RSU1: variants seen among roughly 807,000 people sequenced by gnomAD.
RSU1 encodes the protein Ras suppressor protein 1.
RSU1 carries 26 observed loss-of-function variants against 31.1 expected under a neutral mutation model. The ratio of observed to expected loss-of-function variants is 0.84; its 90% CI spans 0.61 to 1.16. The LOEUF is 1.16. RSU1 is among the 50% of genes most tolerant of loss of function. The pLI, the probability that RSU1 is intolerant of heterozygous loss-of-function variation, is 0.00. For synonymous variants in RSU1, 164 were observed against 136.3 expected (o/e 1.20, Z -1.41); for missense variants, 320 against 339.1 (o/e 0.94, Z 0.44).
chr10:16,788,573 C>A (rs1360946470), intron 2 of RSU1, among the ~76,000 whole-genome samples: 1 of 152,176 alleles, frequency 6.6e-6, no homozygotes, highest in Non-Finnish European at 1.5e-5. Context: ...TTGCATTTTC[C>A]AGGCTTCAAA....
intron 8 of RSU1, among the ~76,000 whole-genome samples, chr10:16,674,653 A>G (rs1449282711): frequency 6.6e-6 from 1 of 152,146 alleles, no homozygotes. Context: ...TCCACTTTAG[A>G]TACAGTGATA....
At chr10:16,669,106 T>A (rs1336348231) in intron 8 of RSU1, among the ~76,000 whole-genome samples, 8 of 152,146 alleles carry the variant, frequency 5.3e-5, no homozygotes, top group African/African-American at 1.9e-4. Context: ...AGAGGAACAT[T>A]TATACAAATG....
chr10:16,661,898 T>C (rs1834897101), intron 8 of RSU1, among the ~76,000 whole-genome samples: 1 of 152,240 alleles, frequency 6.6e-6, no homozygotes, highest in Non-Finnish European at 1.5e-5. Flanking sequence ...GATTTTCCTC[T>C]ACTCTTACAA....
At chr10:16,786,340 A>C (rs908873868) in intron 2 of RSU1, among the ~76,000 whole-genome samples, 1 of 152,158 alleles carries the variant, frequency 6.6e-6, no homozygotes, top group Non-Finnish European at 1.5e-5. Context: ...GTATGAGTCC[A>C]TCCAAGCTGG....
rs145766854 is a variant in RSU1 at position 16,747,234 on chromosome 10, C to T, written c.598+5305G>A. ...TTCAGGCTCAATCTTTCACTCTCTG[C>T]AGTCACACACAAGGGATCTCATCCA... On this transcript the variant is annotated intron_variant, in intron 7 of 8. Coordinates refer to ENST00000345264, the MANE Select transcript of RSU1 (RefSeq NM_012425.4). Among the ~76,000 whole-genome samples, 522 of 152,290 alleles carry T rather than the reference C, an allele frequency of 3.4e-3. 6 individuals carry two copies. Among genetic ancestry groups the T allele is most frequent in the African/African-American group, 0.012 (482 of 41,546 alleles).
At chr10:16,666,687 T>G (rs951115993) in intron 8 of RSU1, among the ~76,000 whole-genome samples, 2 of 151,938 alleles carry the variant, frequency 1.3e-5, no homozygotes, top group African/African-American at 2.4e-5. Context: ...AAACTCAGGG[T>G]GTTAAAAAAT....
chr10:16,792,725 T>G (rs993541750), intron 2 of RSU1, among the ~76,000 whole-genome samples: 1 of 152,152 alleles, frequency 6.6e-6, no homozygotes, highest in African/African-American at 2.4e-5. Flanking sequence ...TTAATGCAAA[T>G]CATCCCAGAG....
At chr10:16,812,090 G>A (rs948697505) in intron 2 of RSU1, among the ~76,000 whole-genome samples, 8 of 152,160 alleles carry the variant, frequency 5.3e-5, no homozygotes, top group East Asian at 3.9e-4. Context: ...GCCAAGAAGC[G>A]GCGTGTTTAA....
At chr10:16,695,389 G>C (rs1293089945) in intron 7 of RSU1, among the ~76,000 whole-genome samples, 2 of 152,132 alleles carry the variant, frequency 1.3e-5, no homozygotes, top group African/African-American at 4.8e-5. Context: ...AGATGGAAAA[G>C]GAAAGCAGAG....
intron 2 of RSU1, among the ~76,000 whole-genome samples, chr10:16,795,593 G>C (rs1295879168): frequency 6.6e-6 from 1 of 152,082 alleles, no homozygotes. Context: ...AGTAAGCAGA[G>C]AGAACCCCCT....
intron 7 of RSU1, 170 bp downstream of exon 7, chr10:16,752,369 C>G: frequency 1.8e-6 from 1 of 559,454 alleles, no homozygotes; most frequent in East Asian, 3.2e-5. Flanking sequence ...GAAGGTCAAA[C>G]CTGTAACAGC....
At chr10:16,655,508 T>C (rs941952956) in intron 8 of RSU1, among the ~76,000 whole-genome samples, 2 of 152,254 alleles carry the variant, frequency 1.3e-5, no homozygotes, top group African/African-American at 4.8e-5. Flanking sequence ...GAGTATGTGA[T>C]ATACAATAAC....
At chr10:16,719,607 T>C (rs1836213833) in intron 7 of RSU1, among the ~76,000 whole-genome samples, 1 of 152,248 alleles carries the variant, frequency 6.6e-6, no homozygotes, top group Admixed American at 6.5e-5. Context: ...GTACTTACTA[T>C]ATTTTGCAAT....
chr10:16,730,322 A>C (rs1185754967), intron 7 of RSU1, among the ~76,000 whole-genome samples: 2 of 152,214 alleles, frequency 1.3e-5, no homozygotes, highest in African/African-American at 2.4e-5. Context: ...ACAAACATCC[A>C]AACTGTATCA....
At chr10:16,743,253 C>T (rs1167561898) in intron 7 of RSU1, among the ~76,000 whole-genome samples, 1 of 152,142 alleles carries the variant, frequency 6.6e-6, no homozygotes, top group African/African-American at 2.4e-5. Flanking sequence ...TCAGTTTTGA[C>T]ACATTGATGG....
At chr10:16,661,605 TAG>T (rs1300955729) in intron 8 of RSU1, among the ~76,000 whole-genome samples, 2 of 152,222 alleles carry the variant, frequency 1.3e-5, no homozygotes, top group Non-Finnish European at 2.9e-5. Context: ...TTCCTTGATG[TAG>T]AGCAATGGCA....
chr10:16,766,596 T>A (rs1837320019), intron 3 of RSU1, among the ~76,000 whole-genome samples: 1 of 152,066 alleles, frequency 6.6e-6, no homozygotes, highest in Non-Finnish European at 1.5e-5. Flanking sequence ...ACGCCTGTAA[T>A]CCCAGCTACT....
At chr10:16,709,784 T>G (rs1049458028) in intron 7 of RSU1, among the ~76,000 whole-genome samples, 4 of 152,210 alleles carry the variant, frequency 2.6e-5, no homozygotes. Flanking sequence ...TTTGGCTGCA[T>G]AAATGTCTTC....
chr10:16,789,097 G>C (rs35834078), intron 2 of RSU1, among the ~76,000 whole-genome samples: 28,195 of 152,224 alleles, frequency 0.19, 2,692 homozygotes, highest in African/African-American at 0.22. Context: ...ACAAGCTCAG[G>C]TTCACGAGGA....
Sources: gnomAD v4.1 joint callset for allele counts (sites outside exome capture counted in the v4.1 genomes callset) on GRCh38, gnomAD v4.1.1 for gene constraint, MANE v1.5 for transcripts, NCBI Gene and HGNC (gene_info 2026-07-23, HGNC 2026-07-21) for gene names.